The following LMF1 variants were observed in gnomAD, a reference collection of about 807,000 sequenced individuals.
LMF1 encodes transmembrane protein 112.
Under a neutral mutation model 60.6 loss-of-function variants are expected in LMF1, and 68 were observed. That is an observed-to-expected ratio of 1.12 (90% CI 0.92 to 1.37). The LOEUF is 1.37. Among genes scored for constraint, LMF1 ranks in the 40% most tolerant of loss-of-function variants. The pLI, the probability that LMF1 is intolerant of heterozygous loss-of-function variation, is 0.00. For missense variants in LMF1, 948 were observed against 767.2 expected, an observed-to-expected ratio of 1.24 and a Z score of -2.78; for synonymous variants, 418 against 324.7, an observed-to-expected ratio of 1.29 and a Z score of -3.09.
chr16:942,174 C>G (rs561574219), intron 2 of LMF1, among the ~76,000 whole-genome samples: 2 of 152,320 alleles, frequency 1.3e-5, no homozygotes, highest in East Asian at 3.9e-4. Flanking sequence ...GATATTGTCA[C>G]TGGATAGAAC....
chr16:977,022 C>T (rs1028611308), intron 1 of LMF1: 5 of 454,186 alleles, frequency 1.1e-5, no homozygotes, highest in Admixed American at 7.0e-5. Flanking sequence ...ACCAGGAGGA[C>T]GTCTGGGCTG....
chr16:934,620 C>T (rs971915993), intron 2 of LMF1: 1 of 316,900 alleles, frequency 3.2e-6, no homozygotes, highest in African/African-American at 2.2e-5. Context: ...ATCACATGAC[C>T]TCGAGCGCAG....
chr16:890,118 C>T (rs1166749605), intron 5 of LMF1, among the ~76,000 whole-genome samples: 2 of 152,220 alleles, frequency 1.3e-5, no homozygotes, highest in Non-Finnish European at 2.9e-5. Flanking sequence ...ACTGCTCCGT[C>T]TGTCGAGTGG....
chr16:891,421 G>T (rs113910757), intron 5 of LMF1, among the ~76,000 whole-genome samples: 1 of 152,220 alleles, frequency 6.6e-6, no homozygotes, highest in African/African-American at 2.4e-5. Context: ...CATGGTGGGC[G>T]CCTCAGCATC....
intron 10 of LMF1, among the ~76,000 whole-genome samples, chr16:861,932 A>T (rs1468463551): frequency 1.3e-5 from 2 of 152,120 alleles, no homozygotes; most frequent in Admixed American, 1.3e-4. Context: ...GATGCTCTTT[A>T]TCCAGCGGAG....
chr16:864,650 T>TTAAG (rs1477180316), intron 10 of LMF1, among the ~76,000 whole-genome samples: 1 of 151,582 alleles, frequency 6.6e-6, no homozygotes, highest in Non-Finnish European at 1.5e-5. Context: ...ATGCATATAT[T>TTAAG]TAAGTTACTA....
rs1388729625 is a variant in LMF1 at position 962,630 on chromosome 16, G to A, written c.194-7964C>T. 1.3e-5 allele frequency among the ~76,000 whole-genome samples: 2 copies of A among 152,178 alleles called. No homozygotes were observed. Among genetic ancestry groups the A allele is most frequent in the Non-Finnish European group, 2.9e-5 (2 of 68,030 alleles). On this transcript the variant is annotated intron_variant, in intron 1 of 10. Coordinates refer to ENST00000262301, the MANE Select transcript of LMF1 (RefSeq NM_022773.4). This position sits in a 1 kb window ranked among gnomAD's most constrained non-coding sequence, Gnocchi z 4.5. ...GAAACACCAGACGGACCCAACGTGA[G>A]GGACGCTCTACAGACGCCATGACAG...
chr16:868,776 C>CGGGGG (rs746232858), intron 10 of LMF1, among the ~76,000 whole-genome samples, 168 bp downstream of exon 10: 1 of 50,078 alleles, frequency 2.0e-5, no homozygotes, highest in African/African-American at 4.7e-5. Context: ...TGATGTGGGG[C>CGGGGG]GGGGGGGGGG....
rs569394971 is a variant in LMF1, at chr16:979,686, C to CT, written c.-135+1458dup. The CT allele has an allele frequency of 9.6e-4, 437 of 454,146 alleles. 2 individuals carry two copies. Among genetic ancestry groups the CT allele is most frequent in the African/African-American group, 8.2e-3 (410 of 50,140 alleles). 28.1% of individuals were successfully genotyped at this position (454,146 alleles called of 1,614,324 possible). On this transcript the variant is annotated intron_variant, in intron 1 of 6. Coordinates refer to the LMF1 transcript ENST00000570014. ...CCTGCTCGCAGACCTAATGCAACTG[C>CT]TTTTCTTTGGCAAAGAGAGCTCTCC...
chr16:886,944 T>C (rs1316101084), intron 5 of LMF1: 7 of 148,102 alleles, frequency 4.7e-5, no homozygotes, highest in Non-Finnish European at 7.5e-5. Flanking sequence ...GAAAACATTC[T>C]CTTCTTACAA....
intron 1 of LMF1, among the ~76,000 whole-genome samples, chr16:978,280 A>C (rs2073233720): frequency 6.7e-6 from 1 of 149,876 alleles, no homozygotes; most frequent in Non-Finnish European, 1.5e-5. Flanking sequence ...TACACGCACC[A>C]CACACACCAT....
chr16:949,270 GAGACAACGACAGAGTC>G (rs2072362747), intron 2 of LMF1, among the ~76,000 whole-genome samples: 8 of 148,138 alleles, frequency 5.4e-5, no homozygotes, highest in African/African-American at 2.0e-4. Context: ...GACAGAGTCA[GAGACAACGACAGAGTC>G]AGCCAATGAC....
chr16:914,430 C>T (rs112148672), intron 3 of LMF1, among the ~76,000 whole-genome samples: 2 of 152,116 alleles, frequency 1.3e-5, no homozygotes, highest in Non-Finnish European at 2.9e-5. Flanking sequence ...CACGAGAGAA[C>T]GCACACCGCT....
In LMF1 at chr16:970,872, G is replaced by A; in HGVS notation, c.109C>T (p.Pro37Ser). 1.3e-6 allele frequency: 2 copies of A among 1,567,602 alleles called. No individual in the cohort carries two copies. ...TGGAGATGGGCCGGAGAGCCTGCGG[G>A]GCCACGCCCCGGCGCGGGCGGCGAC... ...PESPPAPGRG[P>S]AGSPAHLHTG... The change falls in exon 1 of 11, where the codon CCC becomes TCC. Residue 37 changes from proline to serine, a missense_variant. By Grantham distance (74) the Pro-to-Ser change is moderately conservative. Transcript: ENST00000262301.
rs571588212 is a variant in LMF1, at chr16:931,632, G to A, written c.514+2612C>T. ...CTAGGTGTTCTGAGGCCCAGCACCCGGAGTCATACCTCAGTAACTGGCAGC... is the reference window on the plus strand; with the variant it reads ...CTAGGTGTTCTGAGGCCCAGCACCCAGAGTCATACCTCAGTAACTGGCAGC... On this transcript the variant is annotated intron_variant, in intron 3 of 10. Coordinates refer to ENST00000262301, the MANE Select transcript of LMF1 (RefSeq NM_022773.4). The A allele has an allele frequency of 3.0e-5, 39 of 1,286,038 alleles. 2 individuals carry two copies. Among genetic ancestry groups the A allele is most frequent in the Non-Finnish European group, 3.5e-5 (35 of 987,718 alleles). 79.7% of individuals were successfully genotyped at this position (1,286,038 alleles called of 1,614,324 possible).
intron 4 of LMF1, among the ~76,000 whole-genome samples, chr16:894,048 C>T (rs1434770424): frequency 6.7e-6 from 1 of 149,318 alleles, no homozygotes; most frequent in African/African-American, 2.5e-5. Flanking sequence ...CACTCGTCCC[C>T]TGTCCACCAG....
chr16:920,617 G>A (rs2071407236), intron 3 of LMF1, among the ~76,000 whole-genome samples: 1 of 152,230 alleles, frequency 6.6e-6, no homozygotes, highest in Admixed American at 6.5e-5. Context: ...GTGGAAGGCA[G>A]GGAGAGGCCT....
At chr16:927,690 C>T (rs561494044) in intron 3 of LMF1, among the ~76,000 whole-genome samples, 154 of 152,352 alleles carry the variant, frequency 1.0e-3, no homozygotes, top group African/African-American at 3.5e-3. Flanking sequence ...GCTCACCCGG[C>T]GATCGCTTCC....
upstream of LMF1, among the ~76,000 whole-genome samples, chr16:972,515 A>T (rs538635643): frequency 1.8e-3 from 280 of 152,156 alleles, 1 homozygote; most frequent in African/African-American, 6.3e-3. Flanking sequence ...CACAGCCCAC[A>T]CTGTTCCCCT....
Sources: allele counts gnomAD v4.1 joint callset (sites outside exome capture counted in the v4.1 genomes callset), GRCh38; gene constraint gnomAD v4.1.1; non-coding constraint Gnocchi (gnomAD v3.1); transcripts MANE v1.5; gene names NCBI Gene and HGNC (gene_info 2026-07-23, HGNC 2026-07-21).